Variants in SLC39A11 observed in about 807,000 individuals in gnomAD.
The protein encoded by SLC39A11 is zinc transporter ZIP11.
A neutral mutation model predicts 36.1 loss-of-function variants in SLC39A11; 33 were observed. The ratio of observed to expected loss-of-function variants is 0.91; its 90% confidence interval spans 0.69 to 1.22. The LOEUF is 1.22. Ranked by LOEUF, SLC39A11 falls within the 50% of genes most tolerant of loss-of-function variation. The pLI, the probability that SLC39A11 is intolerant of heterozygous loss-of-function variation, is 0.00. For synonymous variants in SLC39A11, 166 were observed against 170.3 expected, an observed-to-expected ratio of 0.97 and a Z score of 0.20; for missense variants, 432 against 430.3, an observed-to-expected ratio of 1.00 and a Z score of -0.03.
chr17:72,957,487 G>T (rs1169960325), intron 4 of SLC39A11, among the ~76,000 whole-genome samples: 1 of 152,176 alleles, frequency 6.6e-6, no homozygotes, highest in Non-Finnish European at 1.5e-5. Context: ...GAGGACACAA[G>T]GATACATTCT....
rs367548823 is a variant in SLC39A11 at position 73,047,027 on chromosome 17, A to ATT, written c.148-15315_148-15314dup. Among the ~76,000 whole-genome samples the ATT allele has an allele frequency of 3.5e-3, 484 of 137,982 alleles. 5 individuals are homozygous for ATT. The highest frequency in any genetic ancestry group is 0.02 in the Middle Eastern group (5 of 256). The allele number at this position is 137,982 out of a possible 152,430, so 90.5% of individuals were successfully genotyped here. A position where few individuals can be genotyped will look rare whatever the true frequency, so the allele number is the denominator to read the frequency against. On this transcript the variant is annotated intron_variant, in intron 3 of 9. Transcript: ENST00000255559. ...ACCTTCTTCTTTTTTTATTTTATTT[A>ATT]TTTTTTTTTTTTTTTGAGACGGAGT...
chr17:72,981,577 A>G (rs2088303549), intron 4 of SLC39A11, among the ~76,000 whole-genome samples: 1 of 139,886 alleles, frequency 7.1e-6, no homozygotes, highest in East Asian at 2.0e-4. Context: ...ATTCTGGATG[A>G]ATTAAATATT....
At chr17:72,884,203 C>G (rs2081345699) in intron 5 of SLC39A11, among the ~76,000 whole-genome samples, 1 of 152,180 alleles carries the variant, frequency 6.6e-6, no homozygotes, top group African/African-American at 2.4e-5. Flanking sequence ...GACCACAGTG[C>G]CCCTGGGCCT....
intron 5 of SLC39A11, among the ~76,000 whole-genome samples, chr17:72,936,177 GAC>G (rs2084741865): frequency 6.6e-6 from 1 of 151,944 alleles, no homozygotes; most frequent in Non-Finnish European, 1.5e-5. Flanking sequence ...CAGCCTGGGC[GAC>G]AGAGTGAGAT....
At chr17:72,991,055 C>T (rs1190565024) in intron 4 of SLC39A11, among the ~76,000 whole-genome samples, 1 of 152,114 alleles carries the variant, frequency 6.6e-6, no homozygotes, top group African/African-American at 2.4e-5. Context: ...TGTAAGTCCA[C>T]GTACCAACGA....
intron 5 of SLC39A11, among the ~76,000 whole-genome samples, chr17:72,862,607 G>A (rs2080095846): frequency 6.6e-6 from 1 of 152,212 alleles, no homozygotes; most frequent in Non-Finnish European, 1.5e-5. Flanking sequence ...TTGAGAAGGA[G>A]CAAGGTGGCT....
rs770329800 is a variant in SLC39A11, at chr17:72,947,829, G to C, written c.353C>G (p.Ser118Cys). 6.2e-7 allele frequency: 1 copy of C among 1,614,132 alleles called. No individual in the cohort carries two copies. The highest frequency in any genetic ancestry group is 1.7e-5 in the Admixed American group (1 of 60,030). ...ATCAGACTTCTTCTTCATCAACGTA[G>C]AGCCGAAGTTCAGTGCCAGGGTCGT... is the stretch of plus-strand genomic sequence containing the variant. ...PQTTLALNFGSTLMKKKSDPE... is the reference protein window; with the variant it reads ...PQTTLALNFGCTLMKKKSDPE... The change falls in exon 5 of 10, where the codon TCT (serine) becomes TGT (cysteine). Residue 118 changes from serine to cysteine, a missense_variant. By Grantham distance (112) the Ser-to-Cys change is moderately radical. Transcript: ENST00000255559.
intron 7 of SLC39A11, among the ~76,000 whole-genome samples, chr17:72,656,691 A>C (rs1290102952): frequency 6.6e-6 from 1 of 152,102 alleles, no homozygotes; most frequent in Non-Finnish European, 1.5e-5. Flanking sequence ...GCCTCAGGGC[A>C]TCCAGACTTC....
chr17:72,954,271 C>T (rs539657066), intron 4 of SLC39A11, among the ~76,000 whole-genome samples: 5 of 152,312 alleles, frequency 3.3e-5, no homozygotes, highest in African/African-American at 7.2e-5. Flanking sequence ...GTCTCAAACT[C>T]CTGACCTCAA....
At chr17:72,724,130 C>T (rs1248306453) in intron 7 of SLC39A11, among the ~76,000 whole-genome samples, 1 of 151,486 alleles carries the variant, frequency 6.6e-6, no homozygotes, top group Non-Finnish European at 1.5e-5. Context: ...AAACGTTGCT[C>T]TTATTGGGAG....
chr17:73,056,335 A>G (rs774301419), intron 3 of SLC39A11, among the ~76,000 whole-genome samples: 22 of 151,892 alleles, frequency 1.4e-4, no homozygotes, highest in Admixed American at 2.6e-4. Flanking sequence ...TGCCTAGCTA[A>G]TTTTTGTATT....
At chr17:72,700,453 T>C (rs2144558085) in intron 7 of SLC39A11, among the ~76,000 whole-genome samples, 1 of 152,332 alleles carries the variant, frequency 6.6e-6, no homozygotes, top group South Asian at 2.1e-4. Flanking sequence ...ATGTATTCAG[T>C]GGTTTCTGAA....
rs1025877397 is a variant in SLC39A11 at position 72,648,946 on chromosome 17, G to C, written c.786C>G (p.Ser262Arg). Residue 262 changes from serine (S) to arginine (R), a missense_variant, in exon 9 of 10, where the codon AGC (serine) becomes AGG (arginine). Ser to Arg is a moderately radical substitution (Grantham distance 110). Coordinates refer to ENST00000255559, the MANE Select transcript of SLC39A11 (RefSeq NM_139177.4). Reference sequence around the variant, plus strand: ...CCCCGGCCAGGGGCTCCACCATGCCGCTCAGCTGCCCATACCTAAGGAGAG... The same window carrying C: ...CCCCGGCCAGGGGCTCCACCATGCCCCTCAGCTGCCCATACCTAAGGAGAG... Reference protein sequence around the residue: ...TWRAFWYGQLSGMVEPLAGVF... With the variant: ...TWRAFWYGQLRGMVEPLAGVF... The C allele has an allele frequency of 1.2e-6, 2 of 1,612,514 alleles. No homozygotes were observed. Among genetic ancestry groups the C allele is most frequent in the African/African-American group, 2.7e-5 (2 of 75,014 alleles).
chr17:72,805,990 T>C (rs2077243655), intron 6 of SLC39A11, among the ~76,000 whole-genome samples: 1 of 152,084 alleles, frequency 6.6e-6, no homozygotes, highest in Non-Finnish European at 1.5e-5. Context: ...GACCTCATGC[T>C]ATCCACCTGC....
chr17:72,689,705 T>C (rs1390358473), intron 7 of SLC39A11, among the ~76,000 whole-genome samples: 3 of 152,146 alleles, frequency 2.0e-5, no homozygotes, highest in South Asian at 2.1e-4. Context: ...CGGTCACATA[T>C]TGTACGATTC....
At chr17:72,749,400 G>C (rs2075065205) in intron 6 of SLC39A11, among the ~76,000 whole-genome samples, 1 of 152,200 alleles carries the variant, frequency 6.6e-6, no homozygotes, top group African/African-American at 2.4e-5. Context: ...GTCTGGATCT[G>C]ACAGATTCAC....
intron 3 of SLC39A11, among the ~76,000 whole-genome samples, chr17:73,064,384 G>A (rs548536958): frequency 4.2e-4 from 64 of 152,194 alleles, no homozygotes; most frequent in African/African-American, 1.4e-3. Context: ...GGGCACAGAA[G>A]CATTAAACAG....
intron 6 of SLC39A11, among the ~76,000 whole-genome samples, chr17:72,759,841 C>T (rs542966450): frequency 6.6e-6 from 1 of 152,060 alleles, no homozygotes; most frequent in African/African-American, 2.4e-5. Context: ...AAGAACTAAC[C>T]AAGAGAAGAC....
chr17:72,676,546 T>C (rs921848212), intron 7 of SLC39A11, among the ~76,000 whole-genome samples: 1 of 152,124 alleles, frequency 6.6e-6, no homozygotes, highest in Non-Finnish European at 1.5e-5. Flanking sequence ...AGCAGCAGCA[T>C]GCAGAAAGAG....
Sources: allele counts gnomAD v4.1 joint callset (sites outside exome capture counted in the v4.1 genomes callset), GRCh38; gene constraint gnomAD v4.1.1; transcripts MANE v1.5; gene names NCBI Gene and HGNC (gene_info 2026-07-23, HGNC 2026-07-21).